Variants in KLHL1 observed in about 807,000 individuals in gnomAD.
KLHL1 encodes kelch like family member 1.
In KLHL1, 47 loss-of-function variants were observed where a neutral mutation model predicts 77.7. The ratio of observed to expected loss-of-function variants is 0.60; its 90% CI spans 0.48 to 0.77. The LOEUF (loss-of-function observed/expected upper bound fraction) is 0.77. Among genes scored for constraint, KLHL1 ranks in the 30% least tolerant of loss-of-function variants. The pLI is 0.00. For synonymous variants in KLHL1, 360 were observed against 325.2 expected (o/e 1.11, Z -1.15); for missense variants, 925 against 910.8 (o/e 1.02, Z -0.20).
intron 1 of KLHL1, among the ~76,000 whole-genome samples, chr13:70,008,783 T>C (rs910652158): frequency 5.9e-5 from 9 of 152,136 alleles, no homozygotes; most frequent in Admixed American, 5.2e-4. Flanking sequence ...AAAACAAAGA[T>C]AGCAATTTAA....
chr13:69,741,091 G>A (rs1251842919), intron 7 of KLHL1, among the ~76,000 whole-genome samples: 2 of 151,988 alleles, frequency 1.3e-5, no homozygotes, highest in Non-Finnish European at 2.9e-5. Flanking sequence ...TCCCAAAAAG[G>A]TTAAAATAAA....
At chr13:69,743,261 CATTT>C (rs1874061015) in intron 7 of KLHL1, among the ~76,000 whole-genome samples, 1 of 151,742 alleles carries the variant, frequency 6.6e-6, no homozygotes, top group Admixed American at 6.6e-5. Context: ...ATTGCTATGA[CATTT>C]ATTCTGGATG....
intron 5 of KLHL1, among the ~76,000 whole-genome samples, chr13:69,852,745 A>G (rs1879742550): frequency 6.6e-6 from 1 of 152,034 alleles, no homozygotes; most frequent in Admixed American, 6.6e-5. Flanking sequence ...CAAGTCAATA[A>G]GGGATTAAAA....
chr13:69,835,748 C>A (rs1239236034), intron 6 of KLHL1, among the ~76,000 whole-genome samples: 1 of 151,706 alleles, frequency 6.6e-6, no homozygotes, highest in African/African-American at 2.4e-5. Context: ...TAGAACCCAA[C>A]CTTTTAGATG....
At chr13:69,803,788 T>C (rs1268838165) in intron 6 of KLHL1, among the ~76,000 whole-genome samples, 2 of 152,180 alleles carry the variant, frequency 1.3e-5, no homozygotes, top group African/African-American at 4.8e-5. Flanking sequence ...AAGTGGTCTC[T>C]AGAAGCTGAG....
intron 1 of KLHL1, among the ~76,000 whole-genome samples, chr13:70,094,393 T>TTATATTTATATATATATATATATATA (rs1887739129): frequency 1.5e-5 from 2 of 137,146 alleles, no homozygotes; most frequent in African/African-American, 6.3e-5. Flanking sequence ...GCAATCATCT[T>TTATATTTATATATATATATATATATA]TATATATATA....
intron 10 of KLHL1, among the ~76,000 whole-genome samples, chr13:69,704,715 C>T (rs926052942): frequency 6.6e-6 from 1 of 151,696 alleles, no homozygotes; most frequent in Non-Finnish European, 1.5e-5. Flanking sequence ...CTTCTTTTCT[C>T]TTGGTCCAGA....
chr13:69,785,697 C>CA (rs1876501285), intron 7 of KLHL1, among the ~76,000 whole-genome samples: 1 of 151,646 alleles, frequency 6.6e-6, no homozygotes, highest in Non-Finnish European at 1.5e-5. Flanking sequence ...AAAAACCCTT[C>CA]AAAAAATTAA....
intron 7 of KLHL1, among the ~76,000 whole-genome samples, chr13:69,785,923 C>T (rs1439477874): frequency 2.6e-5 from 4 of 152,136 alleles, no homozygotes; most frequent in African/African-American, 9.7e-5. Context: ...TGGATAAATT[C>T]CTCGACACAT....
intron 1 of KLHL1, among the ~76,000 whole-genome samples, chr13:70,009,955 C>T (rs1217277423): frequency 1.3e-5 from 2 of 148,528 alleles, no homozygotes; most frequent in African/African-American, 5.0e-5. Flanking sequence ...ATAATAAAGT[C>T]ACATTTTAAG....
intron 4 of KLHL1, among the ~76,000 whole-genome samples, chr13:69,895,961 G>T (rs554833851): frequency 2.6e-5 from 4 of 152,166 alleles, no homozygotes; most frequent in African/African-American, 9.6e-5. Context: ...ACTCACCTCT[G>T]CCTCCCAAAG....
chr13:70,080,074 T>C (rs747204976), intron 1 of KLHL1, among the ~76,000 whole-genome samples: 1 of 152,182 alleles, frequency 6.6e-6, no homozygotes, highest in Non-Finnish European at 1.5e-5. Flanking sequence ...AGCAGTTACT[T>C]GGAGCCATAC....
At chr13:69,833,927 A>G (rs1246442105) in intron 6 of KLHL1, among the ~76,000 whole-genome samples, 2 of 151,858 alleles carry the variant, frequency 1.3e-5, no homozygotes, top group Non-Finnish European at 2.9e-5. Context: ...AAATAATGGC[A>G]TTTGCAGCAA....
At chr13:70,061,795 T>A (rs1201265056) in intron 1 of KLHL1, among the ~76,000 whole-genome samples, 1 of 152,214 alleles carries the variant, frequency 6.6e-6, no homozygotes, top group Non-Finnish European at 1.5e-5. Context: ...GGCTTATCTT[T>A]TTTACCTTTT....
At chr13:70,041,279 C>A (rs1168345506) in intron 1 of KLHL1, among the ~76,000 whole-genome samples, 1 of 152,070 alleles carries the variant, frequency 6.6e-6, no homozygotes, top group Non-Finnish European at 1.5e-5. Flanking sequence ...TGGAGATCTT[C>A]CTGATTATCA....
At chr13:69,833,812 T>C (rs74750706) in intron 6 of KLHL1, among the ~76,000 whole-genome samples, 3,383 of 138,742 alleles carry the variant, frequency 0.024, 126 homozygotes, top group African/African-American at 0.084. Context: ...TATATATATA[T>C]ACACACACAC....
At chr13:69,878,342 G>T (rs1880845313) in intron 5 of KLHL1, among the ~76,000 whole-genome samples, 1 of 151,590 alleles carries the variant, frequency 6.6e-6, no homozygotes. Context: ...TTTTGGTGAG[G>T]AATTTTGTAA....
chr13:69,971,358 C>G (rs545502859), intron 2 of KLHL1, among the ~76,000 whole-genome samples: 4 of 152,136 alleles, frequency 2.6e-5, no homozygotes, highest in African/African-American at 9.6e-5. Context: ...CCTCAAGAAC[C>G]TACATTAGCT....
chr13:69,907,754 C>A (rs752547239), intron 4 of KLHL1, among the ~76,000 whole-genome samples: 1 of 151,824 alleles, frequency 6.6e-6, no homozygotes, highest in Non-Finnish European at 1.5e-5. Flanking sequence ...AATGGGAAAC[C>A]AATTCACAGA....
Sources: gnomAD v4.1 joint callset for allele counts (sites outside exome capture counted in the v4.1 genomes callset) on GRCh38, gnomAD v4.1.1 for gene constraint, MANE v1.5 for transcripts, NCBI Gene and HGNC (gene_info 2026-07-23, HGNC 2026-07-21) for gene names.